CHN1: variants seen among roughly 807,000 people sequenced by gnomAD.
The protein encoded by CHN1 is N-chimaerin.
Under a neutral mutation model 59.5 loss-of-function variants are expected in CHN1, and 37 were observed. The observed-to-expected ratio is 0.62, with a 90% confidence interval of 0.48 to 0.82. The LOEUF is 0.82. Among genes scored for constraint, CHN1 ranks in the 40% least tolerant of loss-of-function variants. The probability of loss-of-function intolerance (pLI) is 0.00; values close to 1 mark genes in which losing one functional copy is unlikely to be tolerated. For synonymous variants in CHN1, 206 were observed against 200.4 expected, an observed-to-expected ratio of 1.03 and a Z score of -0.24; for missense variants, 469 against 571.0, an observed-to-expected ratio of 0.82 and a Z score of 1.82.
At chr2:174,841,869 AC>A (rs1038030227) in intron 7 of CHN1, among the ~76,000 whole-genome samples, 1 of 152,152 alleles carries the variant, frequency 6.6e-6, no homozygotes, top group African/African-American at 2.4e-5. Flanking sequence ...TATTGCATTT[AC>A]CTTCATTTAC....
At chr2:174,868,691 C>G (rs1687305926) in intron 6 of CHN1, among the ~76,000 whole-genome samples, 1 of 152,166 alleles carries the variant, frequency 6.6e-6, no homozygotes, top group Admixed American at 6.5e-5. Flanking sequence ...CCGCAATCCA[C>G]CCATGGGAGG....
chr2:174,934,618 T>C (rs1039022039), intron 3 of CHN1, among the ~76,000 whole-genome samples: 1 of 152,194 alleles, frequency 6.6e-6, no homozygotes, highest in African/African-American at 2.4e-5. Flanking sequence ...GAGCATTAAG[T>C]ACCAACTTGA....
intron 6 of CHN1, among the ~76,000 whole-genome samples, chr2:174,857,273 C>T (rs1686933307): frequency 1.3e-5 from 2 of 152,096 alleles, no homozygotes; most frequent in Admixed American, 6.6e-5. Context: ...GTGGGTCTCC[C>T]CTCACTTTAG....
intron 1 of CHN1, among the ~76,000 whole-genome samples, chr2:174,981,327 G>T (rs1037033919): frequency 6.6e-6 from 1 of 152,156 alleles, no homozygotes; most frequent in African/African-American, 2.4e-5. Context: ...TTATTGTCAA[G>T]TTGTCAGCAT....
At chr2:174,998,465 C>T in intron 1 of CHN1, among the ~76,000 whole-genome samples, 1 of 152,060 alleles carries the variant, frequency 6.6e-6, no homozygotes, top group East Asian at 1.9e-4. Flanking sequence ...AAAATCTATT[C>T]AAGGAGAGAT....
chr2:174,976,638 T>C (rs1380169638), intron 1 of CHN1, among the ~76,000 whole-genome samples: 2 of 152,216 alleles, frequency 1.3e-5, no homozygotes, highest in African/African-American at 4.8e-5. Flanking sequence ...CTTCTGGTTT[T>C]TCCTCTTGCA....
At chr2:174,857,415 T>G (rs1487738404) in intron 6 of CHN1, among the ~76,000 whole-genome samples, 2 of 152,180 alleles carry the variant, frequency 1.3e-5, no homozygotes, top group African/African-American at 4.8e-5. Flanking sequence ...GATACAGTCT[T>G]ATTTTTTCAC....
At chr2:174,975,020 G>A (rs1183574107) in intron 1 of CHN1, among the ~76,000 whole-genome samples, 1 of 151,712 alleles carries the variant, frequency 6.6e-6, no homozygotes, top group Non-Finnish European at 1.5e-5. Flanking sequence ...AATAATGTAT[G>A]TATTTTACTG....
intron 1 of CHN1, among the ~76,000 whole-genome samples, chr2:174,991,876 C>CT (rs1275824677): frequency 6.6e-6 from 1 of 152,112 alleles, no homozygotes; most frequent in African/African-American, 2.4e-5. Flanking sequence ...AAGCACTGTG[C>CT]TAAGTTTAAG....
chr2:175,003,845 T>C (rs1691972318), intron 1 of CHN1, among the ~76,000 whole-genome samples: 1 of 152,184 alleles, frequency 6.6e-6, no homozygotes, highest in African/African-American at 2.4e-5. Flanking sequence ...CTAAGTTTAA[T>C]TTATAAAATA....
chr2:174,848,387 T>C (rs1325206710), intron 6 of CHN1, among the ~76,000 whole-genome samples: 1 of 134,600 alleles, frequency 7.4e-6, no homozygotes, highest in Middle Eastern at 3.5e-3. Context: ...ACAACTTGAC[T>C]TAGGAGCAAT....
chr2:174,890,093 G>A (rs1688004063), intron 5 of CHN1, among the ~76,000 whole-genome samples: 1 of 152,114 alleles, frequency 6.6e-6, no homozygotes, highest in Non-Finnish European at 1.5e-5. Flanking sequence ...TAGTTTAAAT[G>A]TAAATGGATT....
intron 3 of CHN1, among the ~76,000 whole-genome samples, chr2:174,943,792 T>C (rs1330409096): frequency 1.3e-5 from 2 of 152,058 alleles, no homozygotes; most frequent in African/African-American, 2.4e-5. Flanking sequence ...TCTGTGTTTC[T>C]CTTTTGCAAA....
intron 1 of CHN1, among the ~76,000 whole-genome samples, chr2:174,959,903 A>G (rs1308369682): frequency 6.6e-6 from 1 of 152,202 alleles, no homozygotes; most frequent in Non-Finnish European, 1.5e-5. Context: ...GTCTGACCAG[A>G]AACAGGATCC....
At chr2:174,922,177 C>A (rs1333229824) in intron 3 of CHN1, among the ~76,000 whole-genome samples, 1 of 152,052 alleles carries the variant, frequency 6.6e-6, no homozygotes, top group Non-Finnish European at 1.5e-5. Context: ...TGAGAATAAA[C>A]CTTTGCTTAC....
chr2:175,000,539 G>C (rs1394176712), intron 1 of CHN1, among the ~76,000 whole-genome samples: 2 of 151,918 alleles, frequency 1.3e-5, no homozygotes, highest in African/African-American at 4.8e-5. Context: ...TACCTCCTGG[G>C]TTCATGGGAT....
chr2:174,882,413 T>C (rs1389399396), intron 5 of CHN1, among the ~76,000 whole-genome samples: 2 of 152,232 alleles, frequency 1.3e-5, no homozygotes, highest in Non-Finnish European at 2.9e-5. Flanking sequence ...TATACCATCT[T>C]TTCTATTTTT....
intron 6 of CHN1, among the ~76,000 whole-genome samples, chr2:174,875,087 A>G (rs1029133141): frequency 6.6e-6 from 1 of 151,838 alleles, no homozygotes; most frequent in Middle Eastern, 3.2e-3. Context: ...TTGGCCAGGC[A>G]GGTCTTGAAT....
chr2:174,977,744 T>G (rs1690994122), intron 1 of CHN1, among the ~76,000 whole-genome samples: 1 of 152,140 alleles, frequency 6.6e-6, no homozygotes, highest in Non-Finnish European at 1.5e-5. Context: ...TAAAATCCCT[T>G]CATGAGGCTT....
Sources: allele counts gnomAD v4.1 joint callset (sites outside exome capture counted in the v4.1 genomes callset), GRCh38; gene constraint gnomAD v4.1.1; transcripts MANE v1.5; gene names NCBI Gene and HGNC (gene_info 2026-07-23, HGNC 2026-07-21).